AMPH: variants seen among roughly 807,000 people sequenced by gnomAD.
AMPH encodes amphiphysin (Stiff-Mann syndrome with breast cancer 128kD autoantigen).
AMPH carries 49 observed loss-of-function variants against 99.1 expected under a neutral mutation model. The ratio of observed to expected loss-of-function variants is 0.49; its 90% CI spans 0.39 to 0.63. The LOEUF is 0.63. AMPH is among the 20% of genes least tolerant of loss of function. The pLI, the probability that AMPH is intolerant of heterozygous loss-of-function variation, is 0.00. For missense variants in AMPH, 759 were observed against 863.4 expected (o/e 0.88, Z 1.52); for synonymous variants, 314 against 317.3 (o/e 0.99, Z 0.11).
chr7:38,567,142 A>G (rs1159372738), intron 1 of AMPH, among the ~76,000 whole-genome samples: 1 of 152,238 alleles, frequency 6.6e-6, no homozygotes, highest in Non-Finnish European at 1.5e-5. Flanking sequence ...ACCAACCGAA[A>G]TGCTCATCAA....
intron 20 of AMPH, among the ~76,000 whole-genome samples, chr7:38,389,052 G>C (rs1042282009): frequency 6.6e-6 from 1 of 152,164 alleles, no homozygotes; most frequent in Non-Finnish European, 1.5e-5. Context: ...ACAAAATGTT[G>C]AACATATTAA....
At chr7:38,581,272 C>G (rs1792447785) in intron 1 of AMPH, among the ~76,000 whole-genome samples, 1 of 150,720 alleles carries the variant, frequency 6.6e-6, no homozygotes, top group Admixed American at 6.6e-5. Flanking sequence ...GGAGGAATTG[C>G]AATCTTAAAA....
At chr7:38,446,776 T>C (rs1210075561) in intron 11 of AMPH, among the ~76,000 whole-genome samples, 1 of 152,144 alleles carries the variant, frequency 6.6e-6, no homozygotes, top group Non-Finnish European at 1.5e-5. Flanking sequence ...GTACAGTTTA[T>C]TGTAGATCAA....
intron 4 of AMPH, among the ~76,000 whole-genome samples, chr7:38,491,434 G>C (rs1003863522): frequency 6.6e-6 from 1 of 152,104 alleles, no homozygotes; most frequent in Admixed American, 6.6e-5. Flanking sequence ...TAACCCTATA[G>C]ATGGACTTTG....
At chr7:38,566,563 A>G (rs1584252651) in intron 1 of AMPH, among the ~76,000 whole-genome samples, 2 of 152,336 alleles carry the variant, frequency 1.3e-5, no homozygotes, top group East Asian at 3.9e-4. Flanking sequence ...TAATTAAACT[A>G]AAGAGCTTCT....
chr7:38,413,915 C>T (rs1371749172), intron 17 of AMPH, among the ~76,000 whole-genome samples: 2 of 152,162 alleles, frequency 1.3e-5, no homozygotes, highest in Admixed American at 1.3e-4. Context: ...AGGATAAAAC[C>T]CAAATGCTGT....
intron 1 of AMPH, among the ~76,000 whole-genome samples, chr7:38,619,147 G>A (rs192205694): frequency 3.7e-4 from 57 of 152,176 alleles, no homozygotes; most frequent in African/African-American, 1.1e-3. Flanking sequence ...AGTTATGATC[G>A]TGCCTGTACT....
chr7:38,429,161 A>C, intron 14 of AMPH: 1 of 1,289,990 alleles, frequency 7.8e-7, no homozygotes, highest in Non-Finnish European at 1.0e-6. Context: ...TGAACAGGCC[A>C]GCTGTGTCCA....
chr7:38,483,493 G>C (rs1202202595), intron 5 of AMPH, among the ~76,000 whole-genome samples: 1 of 152,008 alleles, frequency 6.6e-6, no homozygotes. Flanking sequence ...CAACCTTTGG[G>C]GGCTTCCCAA....
At chr7:38,416,228 C>T (rs1174586184) in intron 17 of AMPH, among the ~76,000 whole-genome samples, 1 of 151,116 alleles carries the variant, frequency 6.6e-6, no homozygotes, top group Admixed American at 6.6e-5. Flanking sequence ...CTACTTAGAT[C>T]GGTTTGTTGA....
chr7:38,456,660 G>A (rs977300931), intron 11 of AMPH, among the ~76,000 whole-genome samples: 5 of 152,104 alleles, frequency 3.3e-5, no homozygotes, highest in African/African-American at 1.2e-4. Context: ...GTTCCCGTGG[G>A]TTACTCCACC....
At chr7:38,439,886 G>A (rs1433442191) in intron 11 of AMPH, among the ~76,000 whole-genome samples, 1 of 152,148 alleles carries the variant, frequency 6.6e-6, no homozygotes, top group Non-Finnish European at 1.5e-5. Context: ...AGCATAATCG[G>A]CATGCCTAGC....
intron 14 of AMPH, chr7:38,429,624 A>G (rs533226325): frequency 2.1e-6 from 3 of 1,432,572 alleles, no homozygotes; most frequent in East Asian, 5.1e-5. Context: ...AAAACAAAAG[A>G]TGAAACAGAA....
At chr7:38,584,078 A>T (rs986321471) in intron 1 of AMPH, among the ~76,000 whole-genome samples, 19 of 152,064 alleles carry the variant, frequency 1.2e-4, no homozygotes, top group South Asian at 2.1e-4. Flanking sequence ...TTCTTTTTTT[A>T]AAAAAATAAG....
chr7:38,606,566 C>CTTTT (rs56934636), intron 1 of AMPH, among the ~76,000 whole-genome samples: 16 of 97,276 alleles, frequency 1.6e-4, no homozygotes, highest in South Asian at 3.7e-4. Context: ...ACGTCATTCT[C>CTTTT]TTTTTTTTTT....
chr7:38,433,307 C>T (rs996702204), intron 12 of AMPH, among the ~76,000 whole-genome samples: 1 of 152,180 alleles, frequency 6.6e-6, no homozygotes, highest in African/African-American at 2.4e-5. Flanking sequence ...AGCATTTTCT[C>T]GTAGGATGAC....
intron 1 of AMPH, among the ~76,000 whole-genome samples, chr7:38,543,624 C>T (rs1394749361): frequency 2.0e-5 from 3 of 152,242 alleles, no homozygotes; most frequent in Middle Eastern, 6.8e-3. Flanking sequence ...TGATTGTGTT[C>T]ATCTTACTGA....
At chr7:38,520,233 A>G (rs546829006) in intron 2 of AMPH, among the ~76,000 whole-genome samples, 12 of 152,364 alleles carry the variant, frequency 7.9e-5, no homozygotes, top group African/African-American at 2.9e-4. Flanking sequence ...CATCTGGGAA[A>G]CAAACCATCT....
intron 1 of AMPH, among the ~76,000 whole-genome samples, chr7:38,619,587 G>C (rs1036283134): frequency 6.6e-6 from 1 of 152,164 alleles, no homozygotes; most frequent in Non-Finnish European, 1.5e-5. Context: ...TTATTCTCAA[G>C]CGTACATGGA....
Sources: allele counts gnomAD v4.1 joint callset (sites outside exome capture counted in the v4.1 genomes callset), GRCh38; gene constraint gnomAD v4.1.1; transcripts MANE v1.5; gene names NCBI Gene and HGNC (gene_info 2026-07-23, HGNC 2026-07-21).